The following SRD5A3 variants were observed in gnomAD, a reference collection of about 807,000 sequenced individuals.
SRD5A3 encodes polyprenal reductase.
Under a neutral mutation model 34.3 loss-of-function variants are expected in SRD5A3, and 24 were observed. That is an observed-to-expected ratio of 0.70 (90% CI 0.51 to 0.99). SRD5A3 has a LOEUF of 0.99. Among genes scored for constraint, SRD5A3 ranks in the 50% least tolerant of loss-of-function variants. The probability of loss-of-function intolerance (pLI) is 0.00; values close to 1 mark genes in which losing one functional copy is unlikely to be tolerated. For missense variants in SRD5A3, 350 were observed against 388.2 expected (o/e 0.90, Z 0.83); for synonymous variants, 161 against 167.3 (o/e 0.96, Z 0.29).
intron 1 of SRD5A3, 158 bp from the exon 2 acceptor site, chr4:55,359,188 A>T: frequency 9.9e-7 from 1 of 1,006,470 alleles, no homozygotes; most frequent in Non-Finnish European, 1.5e-6. Flanking sequence ...AATTTTAAGA[A>T]CCTGAACACC....
At chr4:55,350,379 G>A (rs910437723) in intron 1 of SRD5A3, among the ~76,000 whole-genome samples, 18 of 152,108 alleles carry the variant, frequency 1.2e-4, no homozygotes, top group African/African-American at 4.3e-4. Flanking sequence ...CAAAAAGAAA[G>A]AAATATACGT....
intron 4 of SRD5A3, 129 bp from the exon 5 acceptor site, chr4:55,369,703 C>A: frequency 8.9e-7 from 1 of 1,122,838 alleles, no homozygotes; most frequent in Non-Finnish European, 1.3e-6. Flanking sequence ...TGCACTCCAG[C>A]CTGGACAACA....
intron 2 of SRD5A3, among the ~76,000 whole-genome samples, chr4:55,361,602 G>A (rs1190639517): frequency 1.3e-5 from 2 of 151,942 alleles, no homozygotes; most frequent in East Asian, 3.9e-4. Context: ...AGGAGTTCAA[G>A]ACCAGCCTGG....
chr4:55,364,327 T>G, intron 3 of SRD5A3, 56 bp downstream of exon 3: 1 of 1,576,604 alleles, frequency 6.3e-7, no homozygotes, highest in Non-Finnish European at 8.7e-7. Flanking sequence ...TGATGCGCTC[T>G]CGGGGCTTGT....
rs1392833280 is a variant in SRD5A3 at position 55,370,001 on chromosome 4, C to A, written c.867C>A (p.Ala289=). ...TGACAAATGTCTTCTTTAATCAGGCCCTGTCTGCCTTTCTCAGCCACCAAT... is the reference window on the plus strand; with the variant it reads ...TGACAAATGTCTTCTTTAATCAGGCACTGTCTGCCTTTCTCAGCCACCAAT... The part of the protein sequence containing the change: ...LVVTNVFFNQ[A]LSAFLSHQFY... The change falls in exon 5 of 5, where the codon GCC becomes GCA. Residue 289 remains alanine (A), a synonymous_variant. Transcript: ENST00000264228. The A allele has an allele frequency of 6.2e-7, 1 of 1,614,096 alleles. No homozygotes were observed.
At chr4:55,361,572 C>G (rs569006216) in intron 2 of SRD5A3, among the ~76,000 whole-genome samples, 4 of 151,508 alleles carry the variant, frequency 2.6e-5, no homozygotes, top group Admixed American at 6.6e-5. Flanking sequence ...GAGGCTGAAG[C>G]AGGTGGATCA....
At chr4:55,367,845 A>G in intron 4 of SRD5A3, 123 bp downstream of exon 4, 1 of 1,295,562 alleles carries the variant, frequency 7.7e-7, no homozygotes, top group Non-Finnish European at 1.1e-6. Flanking sequence ...GATTTTTGGC[A>G]AGACACTTCT....
chr4:55,367,477 AT>A, intron 3 of SRD5A3, 110 bp from the exon 4 acceptor site: 1 of 1,264,134 alleles, frequency 7.9e-7, no homozygotes, highest in East Asian at 2.4e-5. Flanking sequence ...ATATTAGGAT[AT>A]TGAGGAACGG....
chr4:55,351,931 C>T, intron 1 of SRD5A3: 1 of 711,190 alleles, frequency 1.4e-6, no homozygotes, highest in Non-Finnish European at 2.7e-6. Flanking sequence ...TCCTGGTCAA[C>T]TGTGGCCACA....
At chr4:55,353,723 C>G (rs1008944301) in intron 1 of SRD5A3, among the ~76,000 whole-genome samples, 1 of 152,282 alleles carries the variant, frequency 6.6e-6, no homozygotes, top group Non-Finnish European at 1.5e-5. Context: ...GAGGCGCCAC[C>G]TTTAAGAGCT....
At chr4:55,361,871 C>A (rs1433495558) in intron 2 of SRD5A3, among the ~76,000 whole-genome samples, 1 of 152,126 alleles carries the variant, frequency 6.6e-6, no homozygotes, top group Non-Finnish European at 1.5e-5. Context: ...TCTCACTCCA[C>A]TCGTTAAAAC....
intron 2 of SRD5A3, among the ~76,000 whole-genome samples, chr4:55,362,871 G>C (rs113151770): frequency 0.012 from 1,761 of 147,178 alleles, 42 homozygotes; most frequent in African/African-American, 0.041. Flanking sequence ...AATGGAGACA[G>C]AGTCTTGCTC....
In SRD5A3 at chr4:55,346,528, C is replaced by T. The variant is rs1208577018; in HGVS notation, c.192C>T (p.Ala64=). 1.9e-6 allele frequency: 3 copies of T among 1,597,874 alleles called. No individual in the cohort carries two copies. The highest frequency in any genetic ancestry group is 1.1e-5 in the South Asian group (1 of 89,296). The change falls in exon 1 of 5, where the codon GCC becomes GCT. Residue 64 remains alanine, a synonymous_variant. Transcript: ENST00000264228. ...AGTGTGGGGAGCCGTCGCGCCCCGC[C>T]GCCTGCCGAGCCTTTGATGTCCCCA... The part of the protein sequence containing the change: ...KTKCGEPSRP[A]ACRAFDVPKR...
At chr4:55,364,364 A>C in intron 3 of SRD5A3, 93 bp downstream of exon 3, 1 of 1,393,636 alleles carries the variant, frequency 7.2e-7, no homozygotes, top group Middle Eastern at 2.4e-4. Context: ...TGAGACATGC[A>C]GAAGTAAGAG....
intron 1 of SRD5A3, among the ~76,000 whole-genome samples, chr4:55,354,310 C>T (rs902341814): frequency 3.9e-5 from 6 of 152,158 alleles, no homozygotes; most frequent in African/African-American, 1.4e-4. Flanking sequence ...GTTGGCCAGG[C>T]TGGTCTTGAA....
chr4:55,356,353 G>A (rs778372350), intron 1 of SRD5A3, among the ~76,000 whole-genome samples: 4 of 152,104 alleles, frequency 2.6e-5, no homozygotes, highest in Non-Finnish European at 4.4e-5. Context: ...TAAAATACAC[G>A]TAACTTAAAT....
At chr4:55,353,690 A>T (rs1055802595) in intron 1 of SRD5A3, among the ~76,000 whole-genome samples, 1 of 151,860 alleles carries the variant, frequency 6.6e-6, no homozygotes, top group African/African-American at 2.4e-5. Flanking sequence ...CCACGAACCC[A>T]CCTGGAGGAA....
chr4:55,355,999 C>CTTTTTTTTTTTT (rs1578204604), intron 1 of SRD5A3, among the ~76,000 whole-genome samples: 1 of 65,924 alleles, frequency 1.5e-5, no homozygotes, highest in Non-Finnish European at 3.4e-5. Context: ...CTTTTGCCTC[C>CTTTTTTTTTTTT]ATTTTTTTTT....
intron 1 of SRD5A3, among the ~76,000 whole-genome samples, chr4:55,354,363 G>A (rs756323816): frequency 6.6e-6 from 1 of 152,142 alleles, no homozygotes; most frequent in African/African-American, 2.4e-5. Context: ...TCAGAGTGCC[G>A]GGATTACAGG....
Sources: allele counts gnomAD v4.1 joint callset (sites outside exome capture counted in the v4.1 genomes callset), GRCh38; gene constraint gnomAD v4.1.1; transcripts MANE v1.5; gene names NCBI Gene and HGNC (gene_info 2026-07-23, HGNC 2026-07-21).